Variants in PCDHGA3 observed in about 807,000 individuals in gnomAD.
PCDHGA3 encodes the protein protocadherin gamma subfamily A, 3.
A neutral mutation model predicts 58.5 loss-of-function variants in PCDHGA3; 40 were observed. That is an observed-to-expected ratio of 0.68 (90% CI 0.53 to 0.89). The LOEUF (loss-of-function observed/expected upper bound fraction) is 0.89. Ranked by LOEUF, PCDHGA3 falls within the 40% of genes least tolerant of loss-of-function variation. The pLI, the probability that PCDHGA3 is intolerant of heterozygous loss-of-function variation, is 0.00. For missense variants in PCDHGA3, 1,223 were observed against 1,195.9 expected (o/e 1.02, Z -0.33); for synonymous variants, 530 against 525.7 (o/e 1.01, Z -0.11).
chr5:141,344,326 A>C lies in PCDHGA3; in HGVS notation c.293A>C (p.Gln98Pro). 1 of 1,614,046 alleles carries C rather than the reference A, an allele frequency of 6.2e-7. No homozygotes were observed. The highest frequency in any genetic ancestry group is 8.5e-7 in the Non-Finnish European group (1 of 1,179,912). The change falls in exon 1 of 4, where the codon CAG becomes CCG. Residue 98 changes from glutamine (Q) to proline (P), a missense_variant. Around this residue, in one of 3 missense-constraint regions of PCDHGA3, gnomAD observed 791 missense variants for 708.5 expected, o/e 1.12. Transcript: ENST00000253812. ...ERIDREELCAQIPLCLVKINI... is the reference protein window; with the variant it reads ...ERIDREELCAPIPLCLVKINI... ...ATAGACCGGGAGGAGCTCTGCGCTC[A>C]GATCCCGCTGTGTCTGGTAAAAATT...
intron 1 of PCDHGA3, chr5:141,370,472 C>G: frequency 1.2e-6 from 2 of 1,613,450 alleles, no homozygotes; most frequent in Non-Finnish European, 1.7e-6. Context: ...CTTTGTTAGA[C>G]CAGGCTCTCT....
At chr5:141,396,826 T>C (rs2150684125) in intron 1 of PCDHGA3, among the ~76,000 whole-genome samples, 1 of 152,342 alleles carries the variant, frequency 6.6e-6, no homozygotes, top group South Asian at 2.1e-4. Flanking sequence ...ATGGTGCATA[T>C]TCAGTGGAGT....
At chr5:141,402,971 T>A (rs1589470573) in intron 1 of PCDHGA3, 1 of 1,608,252 alleles carries the variant, frequency 6.2e-7, no homozygotes, top group East Asian at 2.2e-5. Flanking sequence ...TCCAACCAAA[T>A]GCCAGCTCCG....
rs34752215 is a variant in PCDHGA3 at position 141,427,657 on chromosome 5, A to C, written c.2425-67150A>C. The C allele has an allele frequency of 1.4e-3, 1,030 of 734,210 alleles. 5 individuals carry two copies. Among genetic ancestry groups the C allele is most frequent in the Middle Eastern group, 5.7e-3 (25 of 4,398 alleles). The allele number at this position is 734,210 out of a possible 1,614,324, so 45.5% of individuals were successfully genotyped here. On this transcript the variant is annotated intron_variant, in intron 1 of 3. Coordinates refer to ENST00000253812, the MANE Select transcript of PCDHGA3 (RefSeq NM_018916.4). The stretch of plus-strand genomic sequence containing the variant: ...TTCCACCAAGTCTCCTACGTGGTCC[A>C]CGTGGCCGAAAACAACCTTCCCGGA...
Position 141,344,783 on chromosome 5 carries a change from T to A in PCDHGA3, c.750T>A (p.Ser250Arg). Residue 250 changes from serine to arginine, a missense_variant, in exon 1 of 4, where the codon AGT becomes AGA. By Grantham distance (110) the Ser-to-Arg change is moderately radical. Around this residue, in one of 3 missense-constraint regions of PCDHGA3, gnomAD observed 791 missense variants for 708.5 expected, o/e 1.12. Coordinates refer to ENST00000253812, the MANE Select transcript of PCDHGA3 (RefSeq NM_018916.4). ...PMFTQPEYRVSVWENVPVGTR... is the reference protein window; with the variant it reads ...PMFTQPEYRVRVWENVPVGTR... Reference sequence around the variant, plus strand: ...TTACTCAGCCTGAGTACCGTGTGAGTGTTTGGGAGAACGTGCCTGTGGGTA... The same window carrying A: ...TTACTCAGCCTGAGTACCGTGTGAGAGTTTGGGAGAACGTGCCTGTGGGTA... 2 of 1,613,894 alleles carry A rather than the reference T, an allele frequency of 1.2e-6. No homozygotes were observed. Among genetic ancestry groups the A allele is most frequent in the Non-Finnish European group, 1.7e-6 (2 of 1,179,862 alleles).
chr5:141,361,949 C>A lies in PCDHGA3; in HGVS notation c.2424+15492C>A, dbSNP rs202129585. Reference sequence around the variant, plus strand: ...GACTCAGGACACAACGCTTGGCTGTCCTACCACGTGCTGCAGGCCAGCGAG... The same window carrying A: ...GACTCAGGACACAACGCTTGGCTGTACTACCACGTGCTGCAGGCCAGCGAG... On this transcript the variant is annotated intron_variant, in intron 1 of 3. Coordinates refer to ENST00000253812, the MANE Select transcript of PCDHGA3 (RefSeq NM_018916.4). 3.8e-3 allele frequency: 6,045 copies of A among 1,604,150 alleles called. 134 individuals carry two copies. The South Asian group carries it at 0.045, about 12-fold the overall frequency.
In PCDHGA3 at chr5:141,431,024, A is replaced by G; in HGVS notation, c.2425-63783A>G. ...CAGCGGCAGCTTGGTCACGGCGGGCAGGATAGACCGGGAGGAGCTCTGTAT... is the reference window on the plus strand; with the variant it reads ...CAGCGGCAGCTTGGTCACGGCGGGCGGGATAGACCGGGAGGAGCTCTGTAT... On this transcript the variant is annotated intron_variant, in intron 1 of 3. Transcript: ENST00000253812. The surrounding 1 kb of genome is among the most constrained non-coding windows in gnomAD (Gnocchi z 4.8). 2.5e-6 allele frequency: 4 copies of G among 1,614,024 alleles called. No homozygotes were observed. The highest frequency in any genetic ancestry group is 3.4e-6 in the Non-Finnish European group (4 of 1,179,926).
chr5:141,418,299 G>C lies in PCDHGA3; in HGVS notation c.2424+71842G>C, dbSNP rs767901461. 5 of 1,614,046 alleles carry C rather than the reference G, an allele frequency of 3.1e-6. No individual in the cohort carries two copies. In the Admixed American group the frequency reaches 8.3e-5, roughly 27 times the overall value. On this transcript the variant is annotated intron_variant, in intron 1 of 3. Coordinates refer to ENST00000253812, the MANE Select transcript of PCDHGA3 (RefSeq NM_018916.4). ...AACTTAGAAATCAGTGAATCCGTCA[G>C]CCTGGGGATGGGAACAATTCTTGAG...
intron 1 of PCDHGA3, among the ~76,000 whole-genome samples, chr5:141,464,702 G>T (rs934638404): frequency 1.3e-5 from 2 of 151,942 alleles, no homozygotes; most frequent in African/African-American, 2.4e-5. Context: ...TATGAATGAG[G>T]TTAAATAGTT....
intron 1 of PCDHGA3, chr5:141,391,690 A>AC (rs1231042361): frequency 6.6e-6 from 1 of 152,236 alleles, no homozygotes; most frequent in African/African-American, 2.4e-5. Flanking sequence ...TTCATCTGCT[A>AC]CGTTGCCCAG....
chr5:141,412,973 C>G, intron 1 of PCDHGA3: 1 of 528,318 alleles, frequency 1.9e-6, no homozygotes, highest in Non-Finnish European at 3.3e-6. Flanking sequence ...GGAGAGAAAA[C>G]GCAGCCAGAG....
Position 141,431,145 on chromosome 5 carries a change from A to G in PCDHGA3, c.2425-63662A>G. The G allele has an allele frequency of 1.2e-6, 2 of 1,614,244 alleles. No homozygotes were observed. Among genetic ancestry groups the G allele is most frequent in the Non-Finnish European group, 1.7e-6 (2 of 1,180,042 alleles). On this transcript the variant is annotated intron_variant, in intron 1 of 3. Transcript: ENST00000253812. The surrounding 1 kb of genome is among the most constrained non-coding windows in gnomAD (Gnocchi z 4.8). ...GTAGAAGTAAGGGACATTAACGACA[A>G]TGCGCCTTACTTTCGTGAAAGTGAA... is the stretch of plus-strand genomic sequence containing the variant.
intron 1 of PCDHGA3, among the ~76,000 whole-genome samples, chr5:141,462,035 C>G (rs35674654): frequency 2.0e-5 from 3 of 152,076 alleles, no homozygotes; most frequent in Non-Finnish European, 4.4e-5. Context: ...GTTGGTCAGG[C>G]GGGTCTTGAA....
intron 1 of PCDHGA3, chr5:141,375,175 A>C (rs1771211157): frequency 6.2e-7 from 1 of 1,614,024 alleles, no homozygotes; most frequent in Non-Finnish European, 8.5e-7. Flanking sequence ...CTCCAGGAAC[A>C]GTAATCGCCC....
intron 1 of PCDHGA3, among the ~76,000 whole-genome samples, chr5:141,444,466 C>T (rs539222916): frequency 7.9e-5 from 12 of 152,100 alleles, no homozygotes; most frequent in East Asian, 1.9e-4. Context: ...TCACTGCGCC[C>T]GGTCGCGTAC....
At chr5:141,479,470 T>G (rs2099497188) in intron 1 of PCDHGA3, 1 of 152,250 alleles carries the variant, frequency 6.6e-6, no homozygotes, top group African/African-American at 2.4e-5. Context: ...CAGTGACCTC[T>G]TGGGAGGGCA....
At chr5:141,456,171 A>ACAGGCG (rs1443838766) in intron 1 of PCDHGA3, among the ~76,000 whole-genome samples, 2 of 152,096 alleles carry the variant, frequency 1.3e-5, no homozygotes, top group East Asian at 3.9e-4. Flanking sequence ...TGCTGGGATT[A>ACAGGCG]CAGAATAATT....
Position 141,477,201 on chromosome 5 carries a change from C to T in PCDHGA3, c.2425-17606C>T, listed in dbSNP as rs1269388368. 6.2e-7 allele frequency: 1 copy of T among 1,614,076 alleles called. No homozygotes were observed. Among genetic ancestry groups the T allele is most frequent in the Non-Finnish European group, 8.5e-7 (1 of 1,180,056 alleles). On this transcript the variant is annotated intron_variant, in intron 1 of 3. Transcript: ENST00000253812. The surrounding 1 kb of genome is among the most constrained non-coding windows in gnomAD (Gnocchi z 4.9). ...GTCACCTCCGTGTACAGCCCAGTAC[C>T]CGAGGATGCCCCTCTGGGGACTGTC... is the stretch of plus-strand genomic sequence containing the variant.
In PCDHGA3 at chr5:141,431,889, A is replaced by G; in HGVS notation, c.2425-62918A>G. 1 of 1,614,170 alleles carries G rather than the reference A, an allele frequency of 6.2e-7. No homozygotes were observed. The highest frequency in any genetic ancestry group is 2.2e-5 in the East Asian group (1 of 44,888). On this transcript the variant is annotated intron_variant, in intron 1 of 3. Transcript: ENST00000253812. The surrounding 1 kb of genome is among the most constrained non-coding windows in gnomAD (Gnocchi z 4.8). The stretch of plus-strand genomic sequence containing the variant: ...TTAAATGTAAATGACCAAGATTCTG[A>G]GGAAAACGGACAGGTGATCTGTTTC...
Sources: gnomAD v4.1 joint callset for allele counts (sites outside exome capture counted in the v4.1 genomes callset) on GRCh38, gnomAD v4.1.1 for gene constraint, gnomAD v4.1.1 regional missense constraint, Gnocchi (gnomAD v3.1) non-coding constraint, MANE v1.5 for transcripts, NCBI Gene and HGNC (gene_info 2026-07-23, HGNC 2026-07-21) for gene names.